SLC26A5: variants seen among roughly 807,000 people sequenced by gnomAD.
SLC26A5 encodes the protein solute carrier family 26 member 5.
In SLC26A5, 51 loss-of-function variants were observed where a neutral mutation model predicts 81.0. The ratio of observed to expected loss-of-function variants is 0.63; its 90% CI spans 0.50 to 0.80. The LOEUF is 0.80. SLC26A5 is among the 30% of genes least tolerant of loss of function. The pLI is 0.00. For synonymous variants in SLC26A5, 325 were observed against 332.8 expected, an observed-to-expected ratio of 0.98 and a Z score of 0.25; for missense variants, 771 against 905.8, an observed-to-expected ratio of 0.85 and a Z score of 1.91.
At chr7:103,439,520 C>CTGT (rs1562815177) in intron 2 of SLC26A5, among the ~76,000 whole-genome samples, 2 of 151,090 alleles carry the variant, frequency 1.3e-5, no homozygotes, top group Non-Finnish European at 2.9e-5. Flanking sequence ...TCCTTGCTGT[C>CTGT]TGTTGTTGTT....
At chr7:103,395,894 T>C (rs1823074399) in intron 9 of SLC26A5, among the ~76,000 whole-genome samples, 1 of 152,148 alleles carries the variant, frequency 6.6e-6, no homozygotes, top group Non-Finnish European at 1.5e-5. Flanking sequence ...AACTAAAAAC[T>C]CACTGAAATA....
Position 103,389,066 on chromosome 7 carries a change from A to C in SLC26A5, c.1456T>G (p.Tyr486Asp). 1.9e-6 allele frequency: 3 copies of C among 1,613,904 alleles called. No homozygotes were observed. The highest frequency in any genetic ancestry group is 2.5e-6 in the Non-Finnish European group (3 of 1,179,878). The change falls in exon 14 of 20, where the codon TAT becomes GAT. Residue 486 changes from tyrosine (Y) to aspartate (D), a missense_variant. Physicochemically the swap from Tyr to Asp is radical, Grantham distance 160. Transcript: ENST00000306312. Reference protein sequence around the residue: ...FVSSLFLGLDYGLITAVIIAL... With the variant: ...FVSSLFLGLDDGLITAVIIAL... ...ATGATCACAGCAGTGATCAAACCAT[A>C]GTCCAATCCCAGGAACAAGGAGGAC...
chr7:103,393,569 G>C (rs1412528684), intron 9 of SLC26A5, among the ~76,000 whole-genome samples: 1 of 1,816 alleles, frequency 5.5e-4, no homozygotes, highest in Non-Finnish European at 7.9e-3. Context: ...ACCTCTTCCT[G>C]TGTGTGTGTG....
At chr7:103,442,031 G>C (rs1826916040) in intron 2 of SLC26A5, among the ~76,000 whole-genome samples, 1 of 152,210 alleles carries the variant, frequency 6.6e-6, no homozygotes, top group Non-Finnish European at 1.5e-5. Context: ...ACTTAACCCA[G>C]TGATTCTCAA....
At chr7:103,442,574 G>C (rs1356235565) in intron 2 of SLC26A5, among the ~76,000 whole-genome samples, 1 of 152,014 alleles carries the variant, frequency 6.6e-6, no homozygotes, top group East Asian at 1.9e-4. Context: ...ATCTCTGTTG[G>C]GTTTTTTCTA....
At chr7:103,439,942 T>G (rs1282035869) in intron 2 of SLC26A5, among the ~76,000 whole-genome samples, 2 of 152,180 alleles carry the variant, frequency 1.3e-5, no homozygotes, top group Non-Finnish European at 2.9e-5. Context: ...TTCACCACCT[T>G]CCGGTCTATG....
At chr7:103,427,891 C>T (rs956213227) in intron 2 of SLC26A5, among the ~76,000 whole-genome samples, 15 of 147,812 alleles carry the variant, frequency 1.0e-4, no homozygotes, top group South Asian at 4.3e-4. Flanking sequence ...CTCACTCTGT[C>T]GCCCAGGCTG....
intron 9 of SLC26A5, among the ~76,000 whole-genome samples, chr7:103,395,989 T>C (rs1459392018): frequency 6.6e-6 from 1 of 152,188 alleles, no homozygotes. Context: ...TTGCCTTCCA[T>C]GCATTATCTC....
chr7:103,411,312 T>C, intron 6 of SLC26A5, 108 bp downstream of exon 6: 7 of 1,346,130 alleles, frequency 5.2e-6, no homozygotes, highest in Non-Finnish European at 6.2e-6. Flanking sequence ...CTCTGGGGTT[T>C]TTCTGGCTGA....
chr7:103,425,529 G>A (rs1016879775), intron 2 of SLC26A5, among the ~76,000 whole-genome samples: 1 of 152,074 alleles, frequency 6.6e-6, no homozygotes. Flanking sequence ...ATTTGAAAAT[G>A]AAAACCAATT....
Position 103,364,920 on chromosome 7 carries a change from A to G in SLC26A5, c.2041+11888T>C, listed in dbSNP as rs1255309101. Among the ~76,000 whole-genome samples, 3 of 142,874 alleles carry G rather than the reference A, an allele frequency of 2.1e-5. No individual in the cohort carries two copies. The East Asian group carries it at 6.3e-4, about 30-fold the overall frequency. 93.7% of individuals were successfully genotyped at this position (142,874 alleles called of 152,430 possible). Reference sequence around the variant, plus strand: ...GGCAGTGTTTTCAGTCCTAATGAGAAAGTGAGAACATAGGTTGTTTTTATG... The same window carrying G: ...GGCAGTGTTTTCAGTCCTAATGAGAGAGTGAGAACATAGGTTGTTTTTATG... On this transcript the variant is annotated intron_variant, in intron 19 of 19. Transcript: ENST00000339444.
intron 2 of SLC26A5, among the ~76,000 whole-genome samples, chr7:103,430,238 C>T (rs551361446): frequency 1.3e-5 from 2 of 152,192 alleles, no homozygotes; most frequent in South Asian, 4.2e-4. Flanking sequence ...GCCACCATAC[C>T]TGGCTAATTT....
intron 2 of SLC26A5, among the ~76,000 whole-genome samples, chr7:103,434,513 C>T (rs1010731024): frequency 6.6e-6 from 1 of 152,022 alleles, no homozygotes; most frequent in Non-Finnish European, 1.5e-5. Context: ...TTGTCAATTT[C>T]TTACCTTTTA....
intron 9 of SLC26A5, among the ~76,000 whole-genome samples, chr7:103,395,827 G>A (rs1294234156): frequency 6.6e-6 from 1 of 151,950 alleles, no homozygotes; most frequent in Non-Finnish European, 1.5e-5. Context: ...CCAATAATAT[G>A]TTTTAAAAAT....
chr7:103,367,435 T>C lies in SLC26A5; in HGVS notation c.2041+9373A>G, dbSNP rs1449930139. On this transcript the variant is annotated intron_variant, in intron 19 of 19. Coordinates refer to the SLC26A5 transcript ENST00000339444. The surrounding 1 kb of genome is among the most constrained non-coding windows in gnomAD (Gnocchi z 6.1). The stretch of plus-strand genomic sequence containing the variant: ...CAGGGGCTCGTTTTGATGATGGTGC[T>C]GGAGGTGACAATGAAGTGCAGAGAA... 1 of 1,613,918 alleles carries C rather than the reference T, an allele frequency of 6.2e-7. No individual in the cohort carries two copies. The highest frequency in any genetic ancestry group is 8.5e-7 in the Non-Finnish European group (1 of 1,179,988).
chr7:103,407,699 T>C lies in SLC26A5; in HGVS notation c.888+152A>G, dbSNP rs534114742. 3.2e-5 allele frequency: 26 copies of C among 816,480 alleles called. 1 individual carries two copies. The South Asian group carries it at 4.0e-4, about 13-fold the overall frequency. 50.6% of individuals were successfully genotyped at this position (816,480 alleles called of 1,614,324 possible). A position where few individuals can be genotyped will look rare whatever the true frequency, so the allele number is the denominator to read the frequency against. ...TTTAAGGCTTTTTCTTTTTACTTTCTTGTCAATGAATTTGTCAAATTTGAC... is the reference window on the plus strand; with the variant it reads ...TTTAAGGCTTTTTCTTTTTACTTTCCTGTCAATGAATTTGTCAAATTTGAC... On this transcript the variant is annotated intron_variant, in intron 8 of 19. Coordinates refer to ENST00000306312, the MANE Select transcript of SLC26A5 (RefSeq NM_198999.3).
intron 19 of SLC26A5, among the ~76,000 whole-genome samples, chr7:103,375,081 T>C: frequency 6.8e-6 from 1 of 146,622 alleles, no homozygotes; most frequent in East Asian, 2.0e-4. Flanking sequence ...TAAATATATA[T>C]ATACACACAC....
At chr7:103,410,279 C>A in intron 7 of SLC26A5, 106 bp downstream of exon 7, 1 of 998,738 alleles carries the variant, frequency 1.0e-6, no homozygotes, top group Admixed American at 1.9e-5. Flanking sequence ...ATGGAAATTA[C>A]TGGAGAAAAA....
At chr7:103,413,713 T>A (rs2116669897) in intron 4 of SLC26A5, among the ~76,000 whole-genome samples, 1 of 152,164 alleles carries the variant, frequency 6.6e-6, no homozygotes, top group South Asian at 2.1e-4. Context: ...CCCAAGAAAC[T>A]TTGGAAGTGC....
Sources: gnomAD v4.1 joint callset for allele counts (sites outside exome capture counted in the v4.1 genomes callset) on GRCh38, gnomAD v4.1.1 for gene constraint, Gnocchi (gnomAD v3.1) non-coding constraint, MANE v1.5 for transcripts, NCBI Gene and HGNC (gene_info 2026-07-23, HGNC 2026-07-21) for gene names.